UNC79: variants seen among roughly 807,000 people sequenced by gnomAD.
The protein encoded by UNC79 is unc-79 subunit of NALCN channel complex, also known as protein unc-79 homolog.
In UNC79, 37 loss-of-function variants were observed where a neutral mutation model predicts 283.1. That is an observed-to-expected ratio of 0.13 (90% CI 0.10 to 0.17). The LOEUF (loss-of-function observed/expected upper bound fraction) is 0.17. Ranked by LOEUF, UNC79 falls within the 10% of genes least tolerant of loss-of-function variation. The pLI, the probability that UNC79 is intolerant of heterozygous loss-of-function variation, is 1.00. For synonymous variants in UNC79, 1,107 were observed against 1,200.2 expected (o/e 0.92, Z 1.61); for missense variants, 2,272 against 3,211.1 (o/e 0.71, Z 7.07).
intron 6 of UNC79, among the ~76,000 whole-genome samples, 188 bp from the exon 7 acceptor site, chr14:93,496,969 T>C (rs1170754951): frequency 6.6e-6 from 1 of 152,204 alleles, no homozygotes; most frequent in Non-Finnish European, 1.5e-5. Context: ...GATCAGTAAA[T>C]AAATAAATCA....
At chr14:93,577,818 A>C in intron 17 of UNC79, 24 bp from the exon 18 acceptor site, 2 of 1,609,230 alleles carry the variant, frequency 1.2e-6, no homozygotes, top group Non-Finnish European at 1.7e-6. Flanking sequence ...GTTCATTTCT[A>C]TGTGTTGCCA....
chr14:93,455,944 G>A (rs964722736), intron 1 of UNC79, among the ~76,000 whole-genome samples: 1 of 149,890 alleles, frequency 6.7e-6, no homozygotes, highest in South Asian at 2.1e-4. Flanking sequence ...GTGTGTGTGT[G>A]TATGTGTGTG....
chr14:93,486,033 G>A (rs984143032), intron 4 of UNC79, among the ~76,000 whole-genome samples: 1 of 151,990 alleles, frequency 6.6e-6, no homozygotes. Context: ...ATCCTTTTTG[G>A]ATGTAGGTGA....
chr14:93,525,939 C>T (rs1276110068), intron 8 of UNC79, among the ~76,000 whole-genome samples: 4 of 152,160 alleles, frequency 2.6e-5, no homozygotes, highest in Admixed American at 1.3e-4. Flanking sequence ...CACTTTTCTT[C>T]CTGAAGTGAG....
At chr14:93,540,140 T>C (rs1462816958) in intron 12 of UNC79, among the ~76,000 whole-genome samples, 2 of 152,360 alleles carry the variant, frequency 1.3e-5, no homozygotes, top group East Asian at 3.9e-4. Flanking sequence ...GTATAAAACT[T>C]ACCAATACTG....
intron 47 of UNC79, among the ~76,000 whole-genome samples, chr14:93,696,482 G>A (rs1000521364): frequency 1.3e-5 from 2 of 152,150 alleles, no homozygotes; most frequent in African/African-American, 4.8e-5. Flanking sequence ...TCAACACTTG[G>A]CATAGTCAAT....
At chr14:93,622,518 A>G in exon 30 of UNC79, 1 of 1,614,060 alleles carries the variant, frequency 6.2e-7, no homozygotes, top group Non-Finnish European at 8.5e-7. Flanking sequence ...ATGTCGCTGG[A>G]TGATCACCCT....
Position 93,474,477 on chromosome 14 carries a change from C to T in UNC79, c.448+84C>T. 7.0e-7 allele frequency: 1 copy of T among 1,433,474 alleles called. No homozygotes were observed. The highest frequency in any genetic ancestry group is 9.3e-7 in the Non-Finnish European group (1 of 1,077,796). 88.8% of individuals were successfully genotyped at this position (1,433,474 alleles called of 1,614,324 possible). The stretch of plus-strand genomic sequence containing the variant: ...GCTGAGCAAGGGGCTTGGAGATGGT[C>T]ACTGTTGTAATCAATCACCTGAAAG... On this transcript the variant is annotated intron_variant, in intron 3 of 48. Coordinates refer to ENST00000555664, the Ensembl canonical transcript of UNC79. This position sits in a 1 kb window ranked among gnomAD's most constrained non-coding sequence, Gnocchi z 4.1.
intron 1 of UNC79, among the ~76,000 whole-genome samples, chr14:93,462,787 G>A (rs1041916551): frequency 6.6e-6 from 1 of 152,152 alleles, no homozygotes; most frequent in African/African-American, 2.4e-5. Flanking sequence ...TGACTTGGTG[G>A]GTTACACAGA....
chr14:93,450,464 T>A (rs940663102), intron 1 of UNC79, among the ~76,000 whole-genome samples: 3 of 152,188 alleles, frequency 2.0e-5, no homozygotes, highest in African/African-American at 7.2e-5. Flanking sequence ...CTATGCCTGA[T>A]ACACAACTGG....
chr14:93,651,242 T>C (rs941671869), intron 35 of UNC79, among the ~76,000 whole-genome samples: 13 of 152,212 alleles, frequency 8.5e-5, no homozygotes, highest in African/African-American at 2.9e-4. Flanking sequence ...TTTAGTTATC[T>C]TTTTCAAGAT....
chr14:93,583,452 A>G (rs905783343), intron 20 of UNC79, among the ~76,000 whole-genome samples: 1 of 152,220 alleles, frequency 6.6e-6, no homozygotes, highest in East Asian at 1.9e-4. Context: ...TCTGGGGTTC[A>G]TTGCAACTGT....
At chr14:93,402,848 A>C (rs1053217008) in intron 1 of UNC79, among the ~76,000 whole-genome samples, 6 of 152,276 alleles carry the variant, frequency 3.9e-5, no homozygotes, top group Middle Eastern at 3.4e-3. Context: ...AGCAATTTAC[A>C]AAGTTTGTTT....
In UNC79 at chr14:93,621,091, C is replaced by T. The variant is rs767496086; in HGVS notation, c.4388-530C>T. 5 of 469,560 alleles carry T rather than the reference C, an allele frequency of 1.1e-5. No individual in the cohort carries two copies. Among genetic ancestry groups the T allele is most frequent in the African/African-American group, 2.0e-5 (1 of 49,826 alleles). 29.1% of individuals were successfully genotyped at this position (469,560 alleles called of 1,614,324 possible). ...TTTATGCAGAAATGTTGTACTCTAC[C>T]GTTTGTTTGGGGTGAAATCTTAATT... On this transcript the variant is annotated intron_variant, in intron 29 of 48. Transcript: ENST00000555664. The surrounding 1 kb of genome is among the most constrained non-coding windows in gnomAD (Gnocchi z 4.8).
chr14:93,643,722 T>A, intron 34 of UNC79, 25 bp downstream of exon 37: 1 of 1,610,822 alleles, frequency 6.2e-7, no homozygotes, highest in Non-Finnish European at 8.5e-7. Context: ...CTGTTTTGTT[T>A]GGTAGGAAGG....
intron 30 of UNC79, among the ~76,000 whole-genome samples, chr14:93,629,510 A>G (rs992330337): frequency 6.6e-6 from 1 of 152,180 alleles, no homozygotes; most frequent in African/African-American, 2.4e-5. Flanking sequence ...GAAACTTTAC[A>G]AGAGTTATGC....
At position 93,520,749 on chromosome 14, in the gene UNC79, G is replaced by C. The variant is rs558665778; in HGVS notation, c.899-3229G>C. ...TCAAGTTGTATTTCTGATTTTTAAA[G>C]TCACATTTAATTTTTAAATTATATC... On this transcript the variant is annotated intron_variant, in intron 7 of 48. Transcript: ENST00000555664. 2.6e-5 allele frequency among the ~76,000 whole-genome samples: 4 copies of C among 151,996 alleles called. No individual in the cohort carries two copies. In the East Asian group the frequency reaches 7.7e-4, roughly 29 times the overall value.
intron 1 of UNC79, among the ~76,000 whole-genome samples, chr14:93,461,887 G>A (rs1324291287): frequency 5.9e-5 from 9 of 151,776 alleles, no homozygotes; most frequent in African/African-American, 2.2e-4. Flanking sequence ...TGAAGTATGA[G>A]TAGGAGTTAG....
At chr14:93,336,285 C>G (rs1045170577) in intron 1 of UNC79, among the ~76,000 whole-genome samples, 1 of 152,194 alleles carries the variant, frequency 6.6e-6, no homozygotes. Flanking sequence ...AACCCCAGAA[C>G]AGTGATAAGT....
Sources: gnomAD v4.1 joint callset for allele counts (sites outside exome capture counted in the v4.1 genomes callset) on GRCh38, gnomAD v4.1.1 for gene constraint, Gnocchi (gnomAD v3.1) non-coding constraint, MANE v1.5 for transcripts, NCBI Gene and HGNC (gene_info 2026-07-23, HGNC 2026-07-21) for gene names.